The following DIAPH3 variants were observed in gnomAD, a reference collection of about 807,000 sequenced individuals.
DIAPH3 encodes protein diaphanous homolog 3.
In DIAPH3, 117 loss-of-function variants were observed where a neutral mutation model predicts 144.3. That is an observed-to-expected ratio of 0.81 (90% CI 0.70 to 0.95). The LOEUF is 0.95. Among genes scored for constraint, DIAPH3 ranks in the 40% least tolerant of loss-of-function variants. DIAPH3 has a pLI of 0.00. For synonymous variants in DIAPH3, 519 were observed against 488.9 expected, an observed-to-expected ratio of 1.06 and a Z score of -0.81; for missense variants, 1,421 against 1,412.7, an observed-to-expected ratio of 1.01 and a Z score of -0.09.
At chr13:60,161,060 A>G (rs1442831309) in intron 1 of DIAPH3, among the ~76,000 whole-genome samples, 1 of 152,196 alleles carries the variant, frequency 6.6e-6, no homozygotes, top group Non-Finnish European at 1.5e-5. Context: ...GGGAGTGACC[A>G]GTCTACCACT....
chr13:59,747,406 T>C (rs1206078078), intron 27 of DIAPH3, among the ~76,000 whole-genome samples: 2 of 152,214 alleles, frequency 1.3e-5, no homozygotes, highest in Non-Finnish European at 2.9e-5. Flanking sequence ...GAATGGCTCA[T>C]CAGCCTTCCT....
At chr13:60,060,264 G>A (rs1023041828) in intron 4 of DIAPH3, among the ~76,000 whole-genome samples, 72 of 151,966 alleles carry the variant, frequency 4.7e-4, no homozygotes, top group African/African-American at 1.6e-3. Context: ...AAATAGTAGA[G>A]AGGATAAAAC....
intron 2 of DIAPH3, among the ~76,000 whole-genome samples, chr13:60,115,848 T>C (rs2058690633): frequency 6.6e-6 from 1 of 152,068 alleles, no homozygotes; most frequent in South Asian, 2.1e-4. Context: ...AATATATTTC[T>C]TTGAAAAAAA....
At chr13:60,013,312 T>A in intron 7 of DIAPH3, 3 of 707,128 alleles carry the variant, frequency 4.2e-6, no homozygotes, top group Non-Finnish European at 3.5e-6. Context: ...AATCCTCGTG[T>A]AGGACGCCCA....
intron 4 of DIAPH3, among the ~76,000 whole-genome samples, chr13:60,051,646 G>C (rs751233738): frequency 9.9e-5 from 15 of 151,950 alleles, no homozygotes; most frequent in Non-Finnish European, 2.1e-4. Flanking sequence ...AAAACCACTT[G>C]AGTAGATGAC....
In DIAPH3 at chr13:59,991,250, C is replaced by T. The variant is rs374336128; in HGVS notation, c.1269G>A (p.Met423Ile). The T allele has an allele frequency of 4.3e-5, 70 of 1,610,564 alleles. No homozygotes were observed. The East Asian group carries it at 1.4e-3, about 32-fold the overall frequency. ...TAGTTTCTTTAACTGTGCTCCACACCATGTTGTAAACATCATATGCTTCAG... is the reference window on the plus strand; with the variant it reads ...TAGTTTCTTTAACTGTGCTCCACACTATGTTGTAAACATCATATGCTTCAG... ...ELDEAYDVYN[M>I]VWSTVKETRA... The change falls in exon 12 of 28, where the codon ATG becomes ATA. Residue 423 changes from methionine to isoleucine, a missense_variant. Transcript: ENST00000400324.
At chr13:59,901,496 A>G (rs1447427058) in intron 20 of DIAPH3, among the ~76,000 whole-genome samples, 1 of 152,196 alleles carries the variant, frequency 6.6e-6, no homozygotes, top group African/African-American at 2.4e-5. Flanking sequence ...AATTGCACAC[A>G]CAAACACACT....
intron 17 of DIAPH3, among the ~76,000 whole-genome samples, chr13:59,946,928 A>G (rs1447058181): frequency 2.0e-5 from 3 of 152,176 alleles, no homozygotes; most frequent in Non-Finnish European, 2.9e-5. Flanking sequence ...CATTGTGTCT[A>G]TTATTCAGCT....
chr13:60,162,060 G>A (rs1218914114), intron 1 of DIAPH3, among the ~76,000 whole-genome samples: 2 of 152,142 alleles, frequency 1.3e-5, no homozygotes, highest in Non-Finnish European at 2.9e-5. Context: ...CAAAAACACA[G>A]TGTTTTAGAT....
At chr13:59,717,098 C>G (rs1169734926) in intron 27 of DIAPH3, among the ~76,000 whole-genome samples, 1 of 152,002 alleles carries the variant, frequency 6.6e-6, no homozygotes, top group Non-Finnish European at 1.5e-5. Context: ...AAAATATATT[C>G]AAAAGATCTG....
intron 4 of DIAPH3, among the ~76,000 whole-genome samples, chr13:60,083,315 T>A (rs2057627027): frequency 6.6e-6 from 1 of 152,096 alleles, no homozygotes; most frequent in Admixed American, 6.6e-5. Context: ...GAATCAAGCA[T>A]TTATCCTAAA....
intron 27 of DIAPH3, among the ~76,000 whole-genome samples, chr13:59,739,351 A>G (rs2036322392): frequency 6.6e-6 from 1 of 152,214 alleles, no homozygotes; most frequent in Non-Finnish European, 1.5e-5. Context: ...CAAGAGTCAG[A>G]AATTTTTTAC....
chr13:59,816,055 CTG>C (rs1402445458), intron 24 of DIAPH3, among the ~76,000 whole-genome samples: 1 of 151,982 alleles, frequency 6.6e-6, no homozygotes, highest in African/African-American at 2.4e-5. Context: ...TCTGACTTGA[CTG>C]AGAGAAATTT....
chr13:59,819,408 A>T (rs928467177), intron 24 of DIAPH3, among the ~76,000 whole-genome samples: 1 of 151,772 alleles, frequency 6.6e-6, no homozygotes, highest in African/African-American at 2.4e-5. Context: ...CACGTTTTTA[A>T]AATAGTTTGT....
At chr13:59,815,346 T>C (rs2040711017) in intron 24 of DIAPH3, among the ~76,000 whole-genome samples, 1 of 152,204 alleles carries the variant, frequency 6.6e-6, no homozygotes, top group Non-Finnish European at 1.5e-5. Context: ...CCTTTGCTCT[T>C]CCATCTGTAT....
intron 27 of DIAPH3, 125 bp from the exon 28 acceptor site, chr13:59,666,971 A>C: frequency 8.7e-7 from 1 of 1,155,100 alleles, no homozygotes; most frequent in East Asian, 2.6e-5. Context: ...AGACTAAACA[A>C]AGAAACAGTC....
At chr13:60,074,250 T>C (rs2057304854) in intron 4 of DIAPH3, among the ~76,000 whole-genome samples, 1 of 152,204 alleles carries the variant, frequency 6.6e-6, no homozygotes, top group African/African-American at 2.4e-5. Flanking sequence ...TACCTGCTTA[T>C]ACATTTTGTC....
At chr13:59,681,613 T>C (rs76327116) in intron 27 of DIAPH3, among the ~76,000 whole-genome samples, 3 of 152,116 alleles carry the variant, frequency 2.0e-5, no homozygotes, top group African/African-American at 4.8e-5. Context: ...GTTTTTTTTT[T>C]CCATTTCAGG....
intron 24 of DIAPH3, among the ~76,000 whole-genome samples, chr13:59,824,230 T>C (rs1438231866): frequency 6.6e-6 from 1 of 152,202 alleles, no homozygotes; most frequent in Non-Finnish European, 1.5e-5. Flanking sequence ...TTACTGTACT[T>C]CTATTATTTG....
Sources: allele counts gnomAD v4.1 joint callset (sites outside exome capture counted in the v4.1 genomes callset), GRCh38; gene constraint gnomAD v4.1.1; transcripts MANE v1.5; gene names NCBI Gene and HGNC (gene_info 2026-07-23, HGNC 2026-07-21).